Variants in PCDHA13 observed in about 807,000 individuals in gnomAD.
PCDHA13 encodes the protein protocadherin alpha 13.
In PCDHA13, 54 loss-of-function variants were observed where a neutral mutation model predicts 64.8. The observed-to-expected ratio is 0.83, with a 90% CI of 0.67 to 1.04. The LOEUF (loss-of-function observed/expected upper bound fraction) is 1.04. PCDHA13 is among the 50% of genes least tolerant of loss of function. The probability of loss-of-function intolerance (pLI) is 0.00; values close to 1 mark genes in which losing one functional copy is unlikely to be tolerated. For missense variants in PCDHA13, 1,248 were observed against 1,254.3 expected (o/e 0.99, Z 0.08); for synonymous variants, 587 against 564.4 (o/e 1.04, Z -0.57).
chr5:140,886,841 A>G lies in PCDHA13; in HGVS notation c.2394+2179A>G, dbSNP rs11748230. ...GACTTCGTCTTGAAAAAAAAAAAAA[A>G]AAAAAAGAAAGGTCTTCCCAACTCC... is the stretch of plus-strand genomic sequence containing the variant. On this transcript the variant is annotated intron_variant, in intron 1 of 3. Transcript: ENST00000289272. Among the ~76,000 whole-genome samples the G allele has an allele frequency of 9.0e-3, 1,368 of 151,662 alleles. 8 individuals are homozygous for G. Among genetic ancestry groups the G allele is most frequent in the Non-Finnish European group, 0.016 (1,078 of 67,864 alleles).
intron 1 of PCDHA13, among the ~76,000 whole-genome samples, chr5:140,911,992 A>T (rs904624481): frequency 6.6e-6 from 1 of 152,342 alleles, no homozygotes; most frequent in East Asian, 1.9e-4. Flanking sequence ...ACAAGGTCCC[A>T]CAATAGGCCA....
intron 1 of PCDHA13, among the ~76,000 whole-genome samples, chr5:140,943,416 A>T (rs556948015): frequency 2.6e-5 from 4 of 152,286 alleles, no homozygotes; most frequent in African/African-American, 9.6e-5. Flanking sequence ...GACTAGAGGC[A>T]AGGGCTTTAA....
intron 1 of PCDHA13, among the ~76,000 whole-genome samples, chr5:140,974,459 C>G (rs59098360): frequency 0.013 from 1,989 of 152,274 alleles, 54 homozygotes; most frequent in African/African-American, 0.046. Flanking sequence ...TGACTACATT[C>G]AGAGGAAAGT....
intron 1 of PCDHA13, among the ~76,000 whole-genome samples, chr5:140,957,377 G>A (rs1001680224): frequency 3.3e-5 from 5 of 152,074 alleles, no homozygotes; most frequent in Admixed American, 2.0e-4. Context: ...TTATTATAGT[G>A]TATTGTTATA....
rs915171063 is a variant in PCDHA13 at position 140,977,108 on chromosome 5, T to C, written c.2395-1841T>C. On this transcript the variant is annotated intron_variant, in intron 1 of 3. Transcript: ENST00000289272. ...AAATGTGTCATTGGGGAAGTGAGAT[T>C]GTATAATGAACTGAGTTTCCTGGTC... 6.6e-5 allele frequency among the ~76,000 whole-genome samples: 10 copies of C among 152,302 alleles called. No homozygotes were observed. The East Asian group carries it at 1.9e-3, about 29-fold the overall frequency.
intron 1 of PCDHA13, among the ~76,000 whole-genome samples, chr5:140,925,578 A>G (rs1378824182): frequency 6.6e-6 from 1 of 151,838 alleles, no homozygotes; most frequent in African/African-American, 2.4e-5. Flanking sequence ...GCACACCAAC[A>G]TGGCGCATGT....
chr5:140,945,001 G>GT (rs2093723326), intron 1 of PCDHA13, among the ~76,000 whole-genome samples: 1 of 151,990 alleles, frequency 6.6e-6, no homozygotes, highest in South Asian at 2.1e-4. Context: ...ACGGTTGTGG[G>GT]TCATGAATTA....
chr5:140,886,087 A>G (rs944362157), intron 1 of PCDHA13, among the ~76,000 whole-genome samples: 2 of 152,324 alleles, frequency 1.3e-5, no homozygotes, highest in Admixed American at 6.5e-5. Flanking sequence ...CAACCTGGAT[A>G]TTGACATTGA....
rs976643195 is a variant in PCDHA13 at position 141,010,391 on chromosome 5, C to A, written c.*454C>A. On this transcript the variant is annotated 3_prime_UTR_variant, in exon 4 of 4. Transcript: ENST00000289272. ...TGCGAGTGCCAGATATTGGCTGAGACGAGCCAGCTTAGACTAATTGGTACA... is the reference window on the plus strand; with the variant it reads ...TGCGAGTGCCAGATATTGGCTGAGAAGAGCCAGCTTAGACTAATTGGTACA... The A allele has an allele frequency of 2.2e-6, 3 of 1,386,760 alleles. No homozygotes were observed. Among genetic ancestry groups the A allele is most frequent in the Non-Finnish European group, 2.9e-6 (3 of 1,041,298 alleles). The allele number at this position is 1,386,760 out of a possible 1,614,324, so 85.9% of individuals were successfully genotyped here.
intron 1 of PCDHA13, chr5:140,927,616 G>T (rs1228559116): frequency 6.2e-7 from 1 of 1,614,164 alleles, no homozygotes; most frequent in South Asian, 1.1e-5. Flanking sequence ...CCGCACCAAG[G>T]TTCCAGAGAC....
chr5:140,974,618 T>C (rs781783540), intron 1 of PCDHA13, among the ~76,000 whole-genome samples: 1 of 152,086 alleles, frequency 6.6e-6, no homozygotes, highest in Non-Finnish European at 1.5e-5. Context: ...TTCAAGCGAT[T>C]CTCCTGCCTC....
chr5:141,005,535 C>T (rs1254351919), intron 3 of PCDHA13, among the ~76,000 whole-genome samples: 2 of 151,078 alleles, frequency 1.3e-5, no homozygotes, highest in Non-Finnish European at 2.9e-5. Flanking sequence ...AACCCCGTCT[C>T]TACTAAAAAT....
Position 140,927,792 on chromosome 5 carries a change from T to C in PCDHA13, c.2394+43130T>C, listed in dbSNP as rs12522306. On this transcript the variant is annotated intron_variant, in intron 1 of 3. Coordinates refer to ENST00000289272, the MANE Select transcript of PCDHA13 (RefSeq NM_018904.3). The stretch of plus-strand genomic sequence containing the variant: ...AGGTGCAAGTAGCTGCTTCACTAGG[T>C]CCGCCTGAAACGCTCTTGGAGGCAT... 8,419 of 1,614,148 alleles carry C rather than the reference T, an allele frequency of 5.2e-3. 630 individuals carry two copies. The Admixed American group carries it at 0.13, about 25-fold the overall frequency.
intron 1 of PCDHA13, among the ~76,000 whole-genome samples, chr5:140,977,932 C>T (rs2096781582): frequency 6.6e-6 from 1 of 151,944 alleles, no homozygotes; most frequent in Non-Finnish European, 1.5e-5. Flanking sequence ...TCAACTATAC[C>T]TCAATATTCA....
intron 1 of PCDHA13, among the ~76,000 whole-genome samples, chr5:140,900,492 G>A (rs2068087412): frequency 6.6e-6 from 1 of 152,174 alleles, no homozygotes; most frequent in African/African-American, 2.4e-5. Flanking sequence ...GGTCAGACTG[G>A]TCTCAAATTC....
intron 1 of PCDHA13, among the ~76,000 whole-genome samples, chr5:140,894,932 A>G (rs2064735231): frequency 6.6e-6 from 1 of 152,184 alleles, no homozygotes; most frequent in Non-Finnish European, 1.5e-5. Flanking sequence ...ATTTCTATTC[A>G]GCTATTGTCA....
At chr5:140,930,832 T>A (rs1375434055) in intron 1 of PCDHA13, among the ~76,000 whole-genome samples, 1 of 152,226 alleles carries the variant, frequency 6.6e-6, no homozygotes, top group East Asian at 1.9e-4. Flanking sequence ...GCTGACTGAA[T>A]GAATAAATAT....
intron 1 of PCDHA13, chr5:140,966,378 G>A: frequency 2.5e-6 from 1 of 405,124 alleles, no homozygotes; most frequent in African/African-American, 2.1e-5. Flanking sequence ...AGCAGTCCGG[G>A]TTCGCTGTCC....
At chr5:140,977,256 C>T (rs1304967733) in intron 1 of PCDHA13, among the ~76,000 whole-genome samples, 1 of 152,164 alleles carries the variant, frequency 6.6e-6, no homozygotes, top group Non-Finnish European at 1.5e-5. Flanking sequence ...CATTTCTCAG[C>T]AGATGTTACA....
Sources: gnomAD v4.1 joint callset for allele counts (sites outside exome capture counted in the v4.1 genomes callset) on GRCh38, gnomAD v4.1.1 for gene constraint, MANE v1.5 for transcripts, NCBI Gene and HGNC (gene_info 2026-07-23, HGNC 2026-07-21) for gene names.